NEK11: variants seen among roughly 807,000 people sequenced by gnomAD.
NEK11 encodes the protein serine/threonine-protein kinase Nek11.
In NEK11, 72 loss-of-function variants were observed where a neutral mutation model predicts 80.7. The ratio of observed to expected loss-of-function variants is 0.89; its 90% confidence interval spans 0.74 to 1.08. The LOEUF is 1.08. NEK11 is among the 50% of genes least tolerant of loss of function. NEK11 has a pLI of 0.00. For synonymous variants in NEK11, 251 were observed against 260.7 expected, an observed-to-expected ratio of 0.96 and a Z score of 0.36; for missense variants, 764 against 763.6, an observed-to-expected ratio of 1.00 and a Z score of -0.01.
At chr3:131,249,133 A>G in intron 16 of NEK11, among the ~76,000 whole-genome samples, 1 of 152,112 alleles carries the variant, frequency 6.6e-6, no homozygotes, top group East Asian at 1.9e-4. Flanking sequence ...ACAGAAAAAA[A>G]AGAGAACATA....
At chr3:131,332,148 G>C (rs180904004) in intron 17 of NEK11, among the ~76,000 whole-genome samples, 1 of 152,184 alleles carries the variant, frequency 6.6e-6, no homozygotes, top group Non-Finnish European at 1.5e-5. Context: ...ATCTGAGAAC[G>C]GGCAGACTGC....
At chr3:131,074,926 T>C (rs1156688476) in intron 3 of NEK11, among the ~76,000 whole-genome samples, 2 of 152,226 alleles carry the variant, frequency 1.3e-5, no homozygotes, top group African/African-American at 4.8e-5. Flanking sequence ...TTTTGTCTTT[T>C]TCGTCTTTAT....
At chr3:131,331,608 GCAGGA>G (rs2097084305) in intron 17 of NEK11, among the ~76,000 whole-genome samples, 1 of 152,194 alleles carries the variant, frequency 6.6e-6, no homozygotes, top group Non-Finnish European at 1.5e-5. Context: ...GACAGTGGGC[GCAGGA>G]CAGTGGGTGC....
At chr3:131,132,946 A>G in intron 6 of NEK11, 137 bp downstream of exon 6, 2 of 527,086 alleles carry the variant, frequency 3.8e-6, no homozygotes, top group South Asian at 2.3e-5. Flanking sequence ...ATTTTTAAGT[A>G]CATGTGCTGC....
chr3:131,063,058 G>A (rs953239645), intron 3 of NEK11, among the ~76,000 whole-genome samples: 9 of 152,156 alleles, frequency 5.9e-5, no homozygotes, highest in East Asian at 1.9e-4. Context: ...AGACTTTTGC[G>A]CTGATGCCCA....
chr3:131,275,667 C>G (rs1477144025), intron 17 of NEK11, among the ~76,000 whole-genome samples: 1 of 152,080 alleles, frequency 6.6e-6, no homozygotes, highest in African/African-American at 2.4e-5. Flanking sequence ...ATCAAGGCTG[C>G]AAATCTGCAT....
chr3:131,080,533 T>C lies in NEK11; in HGVS notation c.281T>C (p.Phe94Ser). Residue 94 changes from phenylalanine (F) to serine (S), a missense_variant, in exon 4 of 18, where the codon TTC becomes TCC. By Grantham distance (155) the Phe-to-Ser change is radical. Transcript: ENST00000383366. ...SKLDHPAIVK[F>S]HASFVEQDNF... ...CTGGACCACCCAGCCATTGTCAAGT[T>C]CCATGCAAGTTTTGTGGAGCAAGAT... 6.2e-7 allele frequency: 1 copy of C among 1,614,070 alleles called. No homozygotes were observed. Among genetic ancestry groups the C allele is most frequent in the Non-Finnish European group, 8.5e-7 (1 of 1,179,978 alleles).
intron 14 of NEK11, among the ~76,000 whole-genome samples, chr3:131,187,623 C>T (rs1333438343): frequency 6.6e-6 from 1 of 152,116 alleles, no homozygotes; most frequent in Non-Finnish European, 1.5e-5. Flanking sequence ...CTGGACCCAG[C>T]CCCATCTGCA....
intron 17 of NEK11, 127 bp downstream of exon 17, chr3:131,273,701 G>C: frequency 1.5e-6 from 1 of 656,238 alleles, no homozygotes; most frequent in Non-Finnish European, 2.7e-6. Flanking sequence ...CTGGGACTAA[G>C]CTGTTCCAAC....
chr3:131,274,569 C>T (rs1187476696), intron 17 of NEK11, among the ~76,000 whole-genome samples: 1 of 150,894 alleles, frequency 6.6e-6, no homozygotes, highest in Non-Finnish European at 1.5e-5. Context: ...GTTTACAGTC[C>T]CACCAACAGT....
chr3:131,083,687 C>T (rs574891420), intron 4 of NEK11, among the ~76,000 whole-genome samples: 2 of 152,248 alleles, frequency 1.3e-5, no homozygotes, highest in East Asian at 3.9e-4. Context: ...AATTTGGGGC[C>T]TTTCAAGACT....
rs544163650 is a variant in NEK11, at chr3:131,197,111, G to A, written c.1399+26224G>A. ...AGGTGTGAGCTAAGTTGCAAGCCCC[G>A]GGTTTAAAGGTAGAAGCAGTCACCT... On this transcript the variant is annotated intron_variant, in intron 14 of 17. Transcript: ENST00000383366. Among the ~76,000 whole-genome samples, 7 of 152,192 alleles carry A rather than the reference G, an allele frequency of 4.6e-5. No homozygotes were observed. The South Asian group carries it at 1.2e-3, about 27-fold the overall frequency.
chr3:131,265,792 C>T (rs1046695504), intron 16 of NEK11, among the ~76,000 whole-genome samples: 1 of 152,136 alleles, frequency 6.6e-6, no homozygotes, highest in East Asian at 1.9e-4. Flanking sequence ...AGGAATGGTA[C>T]CAGCTCTTCT....
At chr3:131,067,283 G>A (rs190465068) in intron 3 of NEK11, among the ~76,000 whole-genome samples, 6 of 152,254 alleles carry the variant, frequency 3.9e-5, no homozygotes, top group South Asian at 2.1e-4. Flanking sequence ...CCCCATACAC[G>A]TGCACTGAAT....
chr3:131,239,734 A>G (rs995827588), intron 15 of NEK11, among the ~76,000 whole-genome samples: 1 of 152,174 alleles, frequency 6.6e-6, no homozygotes, highest in African/African-American at 2.4e-5. Context: ...ATCTAAAGAT[A>G]GATATGCAAT....
At chr3:131,187,557 C>T (rs565635533) in intron 14 of NEK11, among the ~76,000 whole-genome samples, 1 of 152,220 alleles carries the variant, frequency 6.6e-6, no homozygotes, top group South Asian at 2.1e-4. Context: ...TCTCCTTTTT[C>T]ATAGAGAAGG....
At chr3:131,066,855 A>G (rs9873158) in intron 3 of NEK11, among the ~76,000 whole-genome samples, 46,011 of 148,198 alleles carry the variant, frequency 0.31, 8,869 homozygotes, top group Middle Eastern at 0.47. Context: ...AAAAAAAAAA[A>G]AAAGAAAAGA....
intron 3 of NEK11, among the ~76,000 whole-genome samples, chr3:131,054,190 A>G (rs1254236156): frequency 6.6e-6 from 1 of 152,156 alleles, no homozygotes; most frequent in Non-Finnish European, 1.5e-5. Context: ...ATCTCTACAA[A>G]ATATACAAAA....
intron 4 of NEK11, among the ~76,000 whole-genome samples, chr3:131,090,511 TAAGAA>T (rs2149138165): frequency 1.3e-5 from 2 of 152,332 alleles, no homozygotes; most frequent in South Asian, 4.1e-4. Flanking sequence ...AGGACAAAGT[TAAGAA>T]AACAGAATAT....
Sources: gnomAD v4.1 joint callset for allele counts (sites outside exome capture counted in the v4.1 genomes callset) on GRCh38, gnomAD v4.1.1 for gene constraint, MANE v1.5 for transcripts, NCBI Gene and HGNC (gene_info 2026-07-23, HGNC 2026-07-21) for gene names.